The following MST1R variants were observed in gnomAD, a reference collection of about 807,000 sequenced individuals.
The protein encoded by MST1R is macrophage stimulating 1 receptor, also known as macrophage-stimulating protein receptor.
In MST1R, 99 loss-of-function variants were observed where a neutral mutation model predicts 117.8. The ratio of observed to expected loss-of-function variants is 0.84; its 90% CI spans 0.71 to 0.99. The LOEUF (loss-of-function observed/expected upper bound fraction) is 0.99. Among genes scored for constraint, MST1R ranks in the 50% least tolerant of loss-of-function variants. The pLI is 0.00. For synonymous variants in MST1R, 734 were observed against 765.3 expected (o/e 0.96, Z 0.68); for missense variants, 1,683 against 1,840.2 (o/e 0.91, Z 1.56).
In MST1R at chr3:49,890,588, C is replaced by T. The variant is rs139861776; in HGVS notation, c.3707G>A (p.Arg1236Lys). Residue 1236 changes from arginine to lysine, a missense_variant, in exon 18 of 20, where the codon AGG becomes AAG. By Grantham distance (26) the Arg-to-Lys change is conservative. Coordinates refer to ENST00000296474, the MANE Select transcript of MST1R (RefSeq NM_002447.4). Reference protein sequence around the residue: ...DFGLARDILDREYYSVQQHRH... With the variant: ...DFGLARDILDKEYYSVQQHRH... ...ATGCTGTTGAACACTATAGTACTCC[C>T]TGTCCAGGATGTCGCGGGCCAAACC... 6.2e-7 allele frequency: 1 copy of T among 1,614,034 alleles called. No individual in the cohort carries two copies. Among genetic ancestry groups the T allele is most frequent in the Admixed American group, 1.7e-5 (1 of 60,000 alleles).
rs372999406 is a variant in MST1R at position 49,887,496 on chromosome 3, C to A, written c.4014G>T (p.Val1338=). 9 of 1,614,102 alleles carry A rather than the reference C, an allele frequency of 5.6e-6. No individual in the cohort carries two copies. Among genetic ancestry groups the A allele is most frequent in the East Asian group, 2.2e-5 (1 of 44,900 alleles). The change falls in exon 20 of 20, where the codon GTG becomes GTT. Residue 1338 remains valine (V), a synonymous_variant. Coordinates refer to ENST00000296474, the MANE Select transcript of MST1R (RefSeq NM_002447.4). ...PAVRPTFRVL[V]GEVEQIVSAL... Reference sequence around the variant, plus strand: ...CAGACACTATCTGCTCCACCTCCCCCACTAGTACTCTGAAGGTGGGTCGCA... The same window carrying A: ...CAGACACTATCTGCTCCACCTCCCCAACTAGTACTCTGAAGGTGGGTCGCA...
At position 49,898,186 on chromosome 3, in the gene MST1R, C is replaced by T. The variant is rs766834326; in HGVS notation, c.1745G>A (p.Arg582Lys). The T allele has an allele frequency of 1.2e-6, 2 of 1,613,790 alleles. No individual in the cohort carries two copies. Among genetic ancestry groups the T allele is most frequent in the Non-Finnish European group, 1.7e-6 (2 of 1,180,028 alleles). ...ACACAGGGTCAGCCTTGTACTGCCC[C>T]TTAGAGGTCCACTGTGGGGGTGGAA... is the stretch of plus-strand genomic sequence containing the variant. ...TEFHPHSGPLRGSTRLTLCGS... is the reference protein window; with the variant it reads ...TEFHPHSGPLKGSTRLTLCGS... The change falls in exon 5 of 20, where the codon AGG (arginine) becomes AAG (lysine). Residue 582 changes from arginine (R) to lysine (K), a missense_variant. Transcript: ENST00000296474.
chr3:49,896,288 A>C lies in MST1R; in HGVS notation c.2556T>G (p.Phe852Leu). 6.2e-7 allele frequency: 1 copy of C among 1,614,154 alleles called. No individual in the cohort carries two copies. Among genetic ancestry groups the C allele is most frequent in the Non-Finnish European group, 8.5e-7 (1 of 1,180,018 alleles). The change falls in exon 10 of 20, where the codon TTT becomes TTG. Residue 852 changes from phenylalanine (F) to leucine (L), a missense_variant. Transcript: ENST00000296474. ...LSARGDGAAG[F>L]TLPGFRFLPP... ...GTAGGAAGCGAAAGCCAGGCAGTGT[A>C]AAGCCAGCAGCTCCATCCCCTCGGG...
At chr3:49,888,308 C>A (rs11714324) in intron 19 of MST1R, among the ~76,000 whole-genome samples, 6 of 151,894 alleles carry the variant, frequency 4.0e-5, no homozygotes, top group Non-Finnish European at 7.4e-5. Context: ...TCGTGGCAGG[C>A]GCCTGTAGTC....
At chr3:49,891,135 T>C in intron 17 of MST1R, 62 bp downstream of exon 17, 1 of 1,480,226 alleles carries the variant, frequency 6.8e-7, no homozygotes, top group Non-Finnish European at 9.4e-7. Context: ...GAGGCGGCCT[T>C]GAGCACCGCA....
chr3:49,903,643 G>A lies in MST1R; in HGVS notation c.-34C>T. On this transcript the variant is annotated 5_prime_UTR_variant, in exon 1 of 20. Transcript: ENST00000296474. ...GCTGGGACCCTAGAGGATCCCTACC[G>A]GCCTGGGCCTGGACCTGGGCGTGGG... 7.8e-6 allele frequency: 12 copies of A among 1,534,526 alleles called. No homozygotes were observed. The highest frequency in any genetic ancestry group is 1.0e-5 in the Non-Finnish European group (12 of 1,147,926).
intron 4 of MST1R, 87 bp downstream of exon 4, chr3:49,898,431 G>C: frequency 6.5e-7 from 1 of 1,531,018 alleles, no homozygotes; most frequent in Non-Finnish European, 8.9e-7. Flanking sequence ...CCCCAGACCT[G>C]AGAAAAATTG....
intron 19 of MST1R, among the ~76,000 whole-genome samples, chr3:49,889,539 G>A (rs1486304435): frequency 6.6e-6 from 1 of 152,176 alleles, no homozygotes; most frequent in East Asian, 1.9e-4. Context: ...ACCACATACA[G>A]TGAAAAAACC....
chr3:49,895,874 C>G lies in MST1R; in HGVS notation c.2803G>C (p.Val935Leu). The change falls in exon 12 of 20, where the codon GTA (valine) becomes CTA (leucine). Residue 935 changes from valine (V) to leucine (L), a missense_variant. By Grantham distance (32) the Val-to-Leu change is conservative (BLOSUM62 1). Transcript: ENST00000296474. ...CCCAGGATATGACATTCACCATCTA[C>G]GCAGACCTGGGGGCAGGTGGCAACT... ...GQDGAPLQVC[V>L]DGECHILGRV... is the part of the protein sequence containing the mutation. 1 of 1,601,080 alleles carries G rather than the reference C, an allele frequency of 6.2e-7. No individual in the cohort carries two copies. The highest frequency in any genetic ancestry group is 1.1e-5 in the South Asian group (1 of 89,122).
rs752217765 is a variant in MST1R at position 49,891,547 on chromosome 3, A to G, written c.3386T>C (p.Leu1129Pro). Reference sequence around the variant, plus strand: ...GCCACGCATGAGCAGCCCCTCTCGCAGGAAGGCCTCCACCTGCTGCATCTC... The same window carrying G: ...GCCACGCATGAGCAGCCCCTCTCGCGGGAAGGCCTCCACCTGCTGCATCTC... ...ITEMQQVEAF[L>P]REGLLMRGLN... The change falls in exon 16 of 20, where the codon CTG (leucine) becomes CCG (proline). Residue 1129 changes from leucine (L) to proline (P), a missense_variant. Coordinates refer to ENST00000296474, the MANE Select transcript of MST1R (RefSeq NM_002447.4). 5 of 1,613,812 alleles carry G rather than the reference A, an allele frequency of 3.1e-6. No individual in the cohort carries two copies. Among genetic ancestry groups the G allele is most frequent in the Non-Finnish European group, 4.2e-6 (5 of 1,180,050 alleles).
At chr3:49,899,849 G>A (rs2082614527) in intron 1 of MST1R, among the ~76,000 whole-genome samples, 1 of 151,818 alleles carries the variant, frequency 6.6e-6, no homozygotes, top group Non-Finnish European at 1.5e-5. Flanking sequence ...TGGGATTACA[G>A]GCATGAGCCA....
At chr3:49,891,109 G>T in intron 17 of MST1R, 88 bp downstream of exon 17, 1 of 1,145,720 alleles carries the variant, frequency 8.7e-7, no homozygotes, top group East Asian at 2.4e-5. Context: ...GACAAGGCTG[G>T]AGTGGGCCCT....
chr3:49,891,046 C>T (rs2082299846), intron 17 of MST1R, 151 bp downstream of exon 17: 1 of 711,114 alleles, frequency 1.4e-6, no homozygotes, highest in African/African-American at 1.8e-5. Context: ...GCCACAGTGT[C>T]CAGTCCAAGT....
chr3:49,902,222 C>T (rs1380243229), intron 1 of MST1R, among the ~76,000 whole-genome samples, 158 bp downstream of exon 1: 1 of 152,152 alleles, frequency 6.6e-6, no homozygotes, highest in Non-Finnish European at 1.5e-5. Flanking sequence ...GCTGGTTTCT[C>T]ACACCACCCC....
rs2082302007 is a variant in MST1R, at chr3:49,891,113, G to A, written c.3644+84C>T. 12 of 1,190,930 alleles carry A rather than the reference G, an allele frequency of 1.0e-5. No homozygotes were observed. In the South Asian group the frequency reaches 1.4e-4, roughly 14 times the overall value. 73.8% of individuals were successfully genotyped at this position (1,190,930 alleles called of 1,614,324 possible). On this transcript the variant is annotated intron_variant, in intron 17 of 19. Coordinates refer to ENST00000296474, the MANE Select transcript of MST1R (RefSeq NM_002447.4). ...AGAGAGGGGAGGACAAGGCTGGAGT[G>A]GGCCCTTCCCTGAGGCGGCCTTGAG...
At chr3:49,900,679 CA>C (rs1244104991) in intron 1 of MST1R, among the ~76,000 whole-genome samples, 1 of 152,180 alleles carries the variant, frequency 6.6e-6, no homozygotes, top group Non-Finnish European at 1.5e-5. Flanking sequence ...GGAAGGCTGC[CA>C]GGTGTTTCTA....
At position 49,887,433 on chromosome 3, in the gene MST1R, G is replaced by A. The variant is rs766122920; in HGVS notation, c.4077C>T (p.Thr1359=). Residue 1359 remains threonine, a synonymous_variant, in exon 20 of 20, where the codon ACC becomes ACT. Coordinates refer to ENST00000296474, the MANE Select transcript of MST1R (RefSeq NM_002447.4). ...LGDHYVQLPA[T]YMNLGPSTSH... ...AGGTGCTGGGGCCCAAGTTCATGTA[G>A]GTTGCTGGCAGCTGCACATAATGGT... 1 of 1,614,212 alleles carries A rather than the reference G, an allele frequency of 6.2e-7. No individual in the cohort carries two copies. Among genetic ancestry groups the A allele is most frequent in the East Asian group, 2.2e-5 (1 of 44,886 alleles).
intron 6 of MST1R, 50 bp from the exon 7 acceptor site, chr3:49,897,466 C>T: frequency 6.2e-7 from 1 of 1,609,474 alleles, no homozygotes; most frequent in Non-Finnish European, 8.5e-7. Flanking sequence ...CCAAGCCCCT[C>T]CCTTCCCGTA....
chr3:49,897,524 A>G lies in MST1R; in HGVS notation c.2042T>C (p.Phe681Ser), dbSNP rs1023763389. 1 of 1,613,446 alleles carries G rather than the reference A, an allele frequency of 6.2e-7. No individual in the cohort carries two copies. Among genetic ancestry groups the G allele is most frequent in the African/African-American group, 1.3e-5 (1 of 74,954 alleles). Residue 681 changes from phenylalanine (F) to serine (S), a missense_variant, in exon 6 of 20, where the codon TTC becomes TCC. Transcript: ENST00000296474. ...GACAGGGCAAGGTAGCCTCACCATGAAAGAGAAGCCTCTCAGCACGGAGGT... is the reference window on the plus strand; with the variant it reads ...GACAGGGCAAGGTAGCCTCACCATGGAAGAGAAGCCTCTCAGCACGGAGGT... ...DGTSVLRGFS[F>S]MEPVLIAVQP...
Sources: allele counts gnomAD v4.1 joint callset (sites outside exome capture counted in the v4.1 genomes callset), GRCh38; gene constraint gnomAD v4.1.1; transcripts MANE v1.5; gene names NCBI Gene and HGNC (gene_info 2026-07-23, HGNC 2026-07-21).